RIT2: variants seen among roughly 807,000 people sequenced by gnomAD.
RIT2 encodes Ras like without CAAX 2.
RIT2 carries 24 observed loss-of-function variants against 23.7 expected under a neutral mutation model. The ratio of observed to expected loss-of-function variants is 1.01; its 90% CI spans 0.73 to 1.43. The LOEUF (loss-of-function observed/expected upper bound fraction) is 1.43. Among genes scored for constraint, RIT2 ranks in the 40% most tolerant of loss-of-function variants. RIT2 has a pLI of 0.00. For synonymous variants in RIT2, 107 were observed against 91.1 expected (o/e 1.17, Z -0.99); for missense variants, 236 against 266.9 (o/e 0.88, Z 0.81).
chr18:42,789,198 C>A (rs11877260), intron 4 of RIT2, among the ~76,000 whole-genome samples: 2,656 of 152,188 alleles, frequency 0.017, 71 homozygotes, highest in African/African-American at 0.058. Flanking sequence ...TCTGTAACAT[C>A]AGTACAAATG....
At chr18:42,923,197 A>T (rs1383912425) in intron 4 of RIT2, among the ~76,000 whole-genome samples, 1 of 152,122 alleles carries the variant, frequency 6.6e-6, no homozygotes, top group South Asian at 2.1e-4. Context: ...CCACATGACT[A>T]TCTTCTCATG....
At chr18:43,060,274 T>C (rs1045024293) in intron 1 of RIT2, among the ~76,000 whole-genome samples, 1 of 152,156 alleles carries the variant, frequency 6.6e-6, no homozygotes, top group Non-Finnish European at 1.5e-5. Flanking sequence ...CTGTCCAGTA[T>C]TACTCTGCCA....
intron 4 of RIT2, among the ~76,000 whole-genome samples, chr18:42,811,758 G>T (rs1234896539): frequency 2.0e-5 from 3 of 151,968 alleles, no homozygotes; most frequent in Admixed American, 2.0e-4. Context: ...ATGACAAGGT[G>T]CTAGAATGTT....
intron 4 of RIT2, among the ~76,000 whole-genome samples, chr18:42,866,811 GCT>G (rs901929651): frequency 3.3e-5 from 5 of 151,766 alleles, no homozygotes; most frequent in Non-Finnish European, 5.9e-5. Context: ...TATTTAAATG[GCT>G]CTTTTTTGTA....
intron 3 of RIT2, among the ~76,000 whole-genome samples, chr18:42,929,304 A>G (rs1162616081): frequency 6.6e-6 from 1 of 151,940 alleles, no homozygotes; most frequent in Non-Finnish European, 1.5e-5. Context: ...GTGTCAACCA[A>G]ACTAGATCTG....
chr18:43,079,686 T>A (rs553078476), intron 1 of RIT2, among the ~76,000 whole-genome samples: 3 of 152,228 alleles, frequency 2.0e-5, no homozygotes, highest in Admixed American at 2.0e-4. Flanking sequence ...TTCCATTTGA[T>A]ATTTTAAGCG....
chr18:42,986,463 A>C (rs988604771), intron 2 of RIT2, among the ~76,000 whole-genome samples: 1 of 152,024 alleles, frequency 6.6e-6, no homozygotes, highest in Non-Finnish European at 1.5e-5. Context: ...TGGTTTGTTA[A>C]TAGTAGCAGA....
intron 2 of RIT2, among the ~76,000 whole-genome samples, chr18:43,032,057 T>C (rs1385738109): frequency 6.6e-6 from 1 of 152,056 alleles, no homozygotes; most frequent in African/African-American, 2.4e-5. Context: ...CAAAATGAAA[T>C]GATAGGAAAA....
intron 2 of RIT2, among the ~76,000 whole-genome samples, chr18:42,996,147 C>T (rs566781626): frequency 3.9e-5 from 6 of 152,126 alleles, no homozygotes; most frequent in Non-Finnish European, 8.8e-5. Context: ...AAAACCGTAT[C>T]CAGGCCATCA....
At chr18:43,058,157 G>C (rs1216659920) in intron 1 of RIT2, among the ~76,000 whole-genome samples, 1 of 152,104 alleles carries the variant, frequency 6.6e-6, no homozygotes, top group Non-Finnish European at 1.5e-5. Context: ...AAGCTTGGTT[G>C]TAACTGTTGA....
chr18:43,028,368 G>A (rs563369308), intron 2 of RIT2, among the ~76,000 whole-genome samples: 1 of 152,128 alleles, frequency 6.6e-6, no homozygotes, highest in African/African-American at 2.4e-5. Context: ...AAAATCCAAA[G>A]GCAGAGAAGA....
At chr18:42,864,643 C>T (rs1907420604) in intron 4 of RIT2, among the ~76,000 whole-genome samples, 1 of 152,134 alleles carries the variant, frequency 6.6e-6, no homozygotes, top group African/African-American at 2.4e-5. Context: ...CTATTTACAC[C>T]ATGCCACTCA....
chr18:42,808,549 GAATT>G (rs911350081), intron 4 of RIT2, among the ~76,000 whole-genome samples: 2 of 150,552 alleles, frequency 1.3e-5, no homozygotes, highest in Admixed American at 1.3e-4. Context: ...AATATCTTTT[GAATT>G]AATAAGTTGG....
intron 4 of RIT2, among the ~76,000 whole-genome samples, chr18:42,841,877 T>C (rs2144024805): frequency 6.6e-6 from 1 of 152,334 alleles, no homozygotes; most frequent in East Asian, 1.9e-4. Flanking sequence ...ATCTCTCTTC[T>C]CACTCAGCAC....
chr18:42,786,416 CT>C (rs1913923594), intron 4 of RIT2, among the ~76,000 whole-genome samples: 1 of 152,158 alleles, frequency 6.6e-6, no homozygotes, highest in Non-Finnish European at 1.5e-5. Context: ...TTTTACATCA[CT>C]ACCATTATGC....
intron 4 of RIT2, among the ~76,000 whole-genome samples, chr18:42,821,468 C>T (rs1051214711): frequency 6.6e-6 from 1 of 151,964 alleles, no homozygotes; most frequent in African/African-American, 2.4e-5. Flanking sequence ...TAGTTGTCCA[C>T]CAGGGGTAAT....
intron 4 of RIT2, among the ~76,000 whole-genome samples, chr18:42,786,673 T>A (rs997516848): frequency 2.0e-5 from 3 of 152,188 alleles, no homozygotes; most frequent in African/African-American, 7.2e-5. Flanking sequence ...TTTTCACCTA[T>A]CTTTCATGTG....
Position 43,067,390 on chromosome 18 carries a change from A to G in RIT2, c.104-33523T>C, listed in dbSNP as rs1912795963. 2.0e-5 allele frequency among the ~76,000 whole-genome samples: 3 copies of G among 152,164 alleles called. No homozygotes were observed. In the South Asian group the frequency reaches 6.2e-4, roughly 32 times the overall value. On this transcript the variant is annotated intron_variant, in intron 1 of 4. Coordinates refer to ENST00000326695, the MANE Select transcript of RIT2 (RefSeq NM_002930.4). ...CAGCCCAAAATGAGTGACCATGTGC[A>G]TGACATACCCCTTGGGAAACCTGAG... is the stretch of plus-strand genomic sequence containing the variant.
intron 4 of RIT2, among the ~76,000 whole-genome samples, chr18:42,839,695 A>G (rs1042448556): frequency 1.3e-5 from 2 of 152,230 alleles, no homozygotes; most frequent in African/African-American, 4.8e-5. Context: ...AGTACTTAAT[A>G]TTACTGTGGC....
Sources: gnomAD v4.1 joint callset for allele counts (sites outside exome capture counted in the v4.1 genomes callset) on GRCh38, gnomAD v4.1.1 for gene constraint, MANE v1.5 for transcripts, NCBI Gene and HGNC (gene_info 2026-07-23, HGNC 2026-07-21) for gene names.